Variants in CSMD1 observed in about 807,000 individuals in gnomAD.
CSMD1 encodes the protein CUB and Sushi multiple domains 1.
In CSMD1, 213 loss-of-function variants were observed where a neutral mutation model predicts 417.5. The observed-to-expected ratio is 0.51, with a 90% CI of 0.46 to 0.57. The LOEUF (loss-of-function observed/expected upper bound fraction) is 0.57, where lower values mean the gene tolerates loss of function less well. Among genes scored for constraint, CSMD1 ranks in the 20% least tolerant of loss-of-function variants. The pLI, the probability that CSMD1 is intolerant of heterozygous loss-of-function variation, is 0.00. For synonymous variants in CSMD1, 2,862 were observed against 1,736.8 expected (o/e 1.65, Z -16.11); for missense variants, 6,923 against 4,529.7 (o/e 1.53, Z -15.17).
Position 3,367,130 on chromosome 8 carries a change from T to G in CSMD1, c.3017A>C (p.His1006Pro). The G allele has an allele frequency of 6.2e-7, 1 of 1,613,730 alleles. No homozygotes were observed. The highest frequency in any genetic ancestry group is 8.5e-7 in the Non-Finnish European group (1 of 1,179,798). ...VARLTGSVLP[H>P]TIKAGLFGNF... ...TCCAAACAGGCCTGCCTTGATCGTA[T>G]GAGGCAACACCGACCCGGTGAGCCT... The change falls in exon 20 of 70, where the codon CAT becomes CCT. Residue 1006 changes from histidine (H) to proline (P), a missense_variant. Physicochemically the swap from His to Pro is moderately conservative, Grantham distance 77 (BLOSUM62 -2). Transcript: ENST00000635120.
At chr8:4,313,733 A>G (rs1021508616) in intron 3 of CSMD1, among the ~76,000 whole-genome samples, 3 of 152,074 alleles carry the variant, frequency 2.0e-5, no homozygotes, top group African/African-American at 7.2e-5. Flanking sequence ...AAGCAGAACT[A>G]GGCCGGGCAC....
chr8:3,670,605 C>CATAT (rs1310318740), intron 7 of CSMD1, among the ~76,000 whole-genome samples: 7 of 128,946 alleles, frequency 5.4e-5, no homozygotes, highest in South Asian at 4.7e-4. Context: ...ATATATTGCA[C>CATAT]ATATATATGG....
At chr8:3,095,875 A>C (rs917043077) in intron 47 of CSMD1, among the ~76,000 whole-genome samples, 3 of 152,310 alleles carry the variant, frequency 2.0e-5, no homozygotes, top group Non-Finnish European at 2.9e-5. Context: ...TTTTCATTGA[A>C]ATTGCAAAAA....
At chr8:4,242,954 A>C (rs577133325) in intron 3 of CSMD1, among the ~76,000 whole-genome samples, 1 of 152,346 alleles carries the variant, frequency 6.6e-6, no homozygotes, top group South Asian at 2.1e-4. Context: ...CATTGCATGA[A>C]AAGTCAAAGT....
At chr8:3,270,517 T>A (rs1801766058) in intron 26 of CSMD1, among the ~76,000 whole-genome samples, 1 of 152,218 alleles carries the variant, frequency 6.6e-6, no homozygotes, top group Non-Finnish European at 1.5e-5. Flanking sequence ...TCTGCCTGAT[T>A]TCCAACTGGT....
chr8:3,815,431 T>C (rs1199412370), intron 5 of CSMD1, among the ~76,000 whole-genome samples: 3 of 152,170 alleles, frequency 2.0e-5, no homozygotes, highest in African/African-American at 7.2e-5. Context: ...GATAGTATAA[T>C]ACACTGACAG....
intron 2 of CSMD1, among the ~76,000 whole-genome samples, chr8:4,426,259 TAA>T (rs1797546719): frequency 6.6e-6 from 1 of 151,832 alleles, no homozygotes; most frequent in Non-Finnish European, 1.5e-5. Flanking sequence ...TTATTTTTTA[TAA>T]GTTATTCCAA....
intron 5 of CSMD1, among the ~76,000 whole-genome samples, chr8:3,997,149 C>T (rs531501323): frequency 2.6e-5 from 4 of 152,252 alleles, no homozygotes; most frequent in Admixed American, 6.5e-5. Flanking sequence ...ATAATAAAAA[C>T]AATAACACAA....
At chr8:4,105,412 G>A (rs746781143) in intron 3 of CSMD1, among the ~76,000 whole-genome samples, 33 of 152,002 alleles carry the variant, frequency 2.2e-4, no homozygotes, top group Non-Finnish European at 3.8e-4. Context: ...AGTATTTTTA[G>A]GAAAGAGCAT....
intron 5 of CSMD1, among the ~76,000 whole-genome samples, chr8:3,992,148 A>G (rs1814800654): frequency 6.6e-6 from 1 of 151,186 alleles, no homozygotes; most frequent in Non-Finnish European, 1.5e-5. Context: ...GTATGTACAT[A>G]TATTATATAT....
chr8:4,750,190 G>A (rs1444721552), intron 1 of CSMD1, among the ~76,000 whole-genome samples: 1 of 151,826 alleles, frequency 6.6e-6, no homozygotes, highest in Non-Finnish European at 1.5e-5. Flanking sequence ...TGTATTTTTA[G>A]TAGAGACAGG....
chr8:3,772,628 CATATATTTATATACATATATACAT>C (rs1798675111), intron 5 of CSMD1, among the ~76,000 whole-genome samples: 2 of 107,114 alleles, frequency 1.9e-5, no homozygotes, highest in Non-Finnish European at 3.5e-5. Flanking sequence ...CATATATACA[CATATATTTATATACATATATACAT>C]ATATACATAC....
intron 1 of CSMD1, among the ~76,000 whole-genome samples, chr8:4,811,340 A>C (rs1408097422): frequency 6.6e-6 from 1 of 152,210 alleles, no homozygotes; most frequent in African/African-American, 2.4e-5. Context: ...TTCTTCTTTC[A>C]AACTACCTTG....
intron 65 of CSMD1, among the ~76,000 whole-genome samples, chr8:2,952,947 G>A (rs1301680471): frequency 6.6e-6 from 1 of 152,138 alleles, no homozygotes; most frequent in African/African-American, 2.4e-5. Flanking sequence ...CAGCCACATA[G>A]CTGAGCTGTA....
intron 26 of CSMD1, among the ~76,000 whole-genome samples, chr8:3,271,705 T>G (rs980055984): frequency 6.6e-6 from 1 of 152,192 alleles, no homozygotes; most frequent in South Asian, 2.1e-4. Context: ...TTTTCATGTG[T>G]TTTTTGGCTG....
chr8:3,713,946 C>G (rs1409744903), intron 6 of CSMD1, among the ~76,000 whole-genome samples: 1 of 151,804 alleles, frequency 6.6e-6, no homozygotes, highest in East Asian at 1.9e-4. Context: ...AAGTACTGCA[C>G]CAAAAGAATA....
chr8:4,205,141 G>C (rs934417432), intron 3 of CSMD1, among the ~76,000 whole-genome samples: 1 of 152,082 alleles, frequency 6.6e-6, no homozygotes, highest in African/African-American at 2.4e-5. Context: ...CAACTCTGTT[G>C]AATGAAATTG....
intron 1 of CSMD1, among the ~76,000 whole-genome samples, chr8:4,983,291 T>G (rs994373946): frequency 1.3e-5 from 2 of 152,204 alleles, no homozygotes; most frequent in Non-Finnish European, 2.9e-5. Flanking sequence ...AACGAGTGTT[T>G]TCACAAAATG....
intron 3 of CSMD1, among the ~76,000 whole-genome samples, chr8:4,111,126 C>T (rs977865472): frequency 2.0e-5 from 3 of 152,072 alleles, no homozygotes; most frequent in Non-Finnish European, 4.4e-5. Flanking sequence ...TTGTTTTGCT[C>T]TGGTTTGGTT....
Sources: gnomAD v4.1 joint callset for allele counts (sites outside exome capture counted in the v4.1 genomes callset) on GRCh38, gnomAD v4.1.1 for gene constraint, MANE v1.5 for transcripts, NCBI Gene and HGNC (gene_info 2026-07-23, HGNC 2026-07-21) for gene names.